OSBPL8: variants seen among roughly 807,000 people sequenced by gnomAD.
The protein encoded by OSBPL8 is oxysterol-binding protein-related protein 8.
In OSBPL8, 59 loss-of-function variants were observed where a neutral mutation model predicts 125.5. The observed-to-expected ratio is 0.47, with a 90% confidence interval of 0.38 to 0.58. OSBPL8 has a LOEUF of 0.58. OSBPL8 is among the 20% of genes least tolerant of loss of function. The probability of loss-of-function intolerance (pLI) is 0.00; values close to 1 mark genes in which losing one functional copy is unlikely to be tolerated. For missense variants in OSBPL8, 758 were observed against 1,047.8 expected, an observed-to-expected ratio of 0.72 and a Z score of 3.82; for synonymous variants, 330 against 338.9, an observed-to-expected ratio of 0.97 and a Z score of 0.29.
chr12:76,493,471 T>C (rs1368182182), intron 1 of OSBPL8, among the ~76,000 whole-genome samples: 1 of 152,226 alleles, frequency 6.6e-6, no homozygotes, highest in Non-Finnish European at 1.5e-5. Flanking sequence ...CTCCCTAATT[T>C]CTGAAGAACA....
intron 4 of OSBPL8, among the ~76,000 whole-genome samples, chr12:76,433,670 T>C (rs957237641): frequency 6.6e-6 from 1 of 151,962 alleles, no homozygotes; most frequent in Non-Finnish European, 1.5e-5. Flanking sequence ...CCCAATGCCA[T>C]TCCTTAAAAA....
intron 1 of OSBPL8, among the ~76,000 whole-genome samples, chr12:76,539,276 C>T (rs1278962859): frequency 1.6e-4 from 24 of 152,058 alleles, no homozygotes; most frequent in Admixed American, 1.6e-3. Flanking sequence ...ATTTATGTCT[C>T]TGTTTTAATA....
chr12:76,538,959 A>G (rs887409854), intron 1 of OSBPL8, among the ~76,000 whole-genome samples: 3 of 151,354 alleles, frequency 2.0e-5, no homozygotes, highest in Admixed American at 6.6e-5. Flanking sequence ...AAAGAAAAAA[A>G]GAAAAAAGAT....
chr12:76,413,968 G>C lies in OSBPL8; in HGVS notation c.218-3334C>G, dbSNP rs753454760. Reference sequence around the variant, plus strand: ...AATTTAGCAATCTCTTTCTTTAAAGGTTAATGCTTTGGGGTCTTAAACTCT... The same window carrying C: ...AATTTAGCAATCTCTTTCTTTAAAGCTTAATGCTTTGGGGTCTTAAACTCT... On this transcript the variant is annotated intron_variant, in intron 4 of 23. Transcript: ENST00000261183. Among the ~76,000 whole-genome samples, 3 of 152,202 alleles carry C rather than the reference G, an allele frequency of 2.0e-5. 1 individual carries two copies. Among genetic ancestry groups the C allele is most frequent in the Middle Eastern group, 6.8e-3 (2 of 294 alleles).
chr12:76,429,006 T>G (rs1870494730), intron 4 of OSBPL8, among the ~76,000 whole-genome samples: 1 of 152,120 alleles, frequency 6.6e-6, no homozygotes, highest in African/African-American at 2.4e-5. Flanking sequence ...TTAGCTGTAG[T>G]TAGCAAAATC....
At chr12:76,409,373 C>T (rs529036568) in intron 5 of OSBPL8, among the ~76,000 whole-genome samples, 31 of 152,298 alleles carry the variant, frequency 2.0e-4, no homozygotes, top group African/African-American at 7.5e-4. Context: ...TCTTATAATA[C>T]CCCTCAACCT....
intron 2 of OSBPL8, among the ~76,000 whole-genome samples, chr12:76,480,770 G>A (rs193059956): frequency 4.6e-4 from 70 of 152,292 alleles, no homozygotes; most frequent in African/African-American, 1.4e-3. Flanking sequence ...AATAGGTTAG[G>A]TTACTCCAGA....
At chr12:76,488,725 T>G (rs1180034394) in intron 1 of OSBPL8, among the ~76,000 whole-genome samples, 2 of 152,210 alleles carry the variant, frequency 1.3e-5, no homozygotes, top group Non-Finnish European at 2.9e-5. Flanking sequence ...TCTCCCATTT[T>G]CTCTTTCTCC....
rs780428030 is a variant in OSBPL8 at position 76,492,905 on chromosome 12, G to GATATATAGAT, written c.-67-5297_-67-5288dup. 1.1e-3 allele frequency among the ~76,000 whole-genome samples: 160 copies of GATATATAGAT among 151,534 alleles called. 2 individuals are homozygous for GATATATAGAT. The highest frequency in any genetic ancestry group is 3.6e-3 in the African/African-American group (149 of 41,270). ...ACAAAACCAGTCCCTGATACTATAG[G>GATATATAGAT]ATATATAGATATATATAGATATATA... On this transcript the variant is annotated intron_variant, in intron 1 of 23. Coordinates refer to ENST00000261183, the MANE Select transcript of OSBPL8 (RefSeq NM_020841.5).
At chr12:76,367,553 T>C (rs544908186) in intron 21 of OSBPL8, among the ~76,000 whole-genome samples, 1 of 152,344 alleles carries the variant, frequency 6.6e-6, no homozygotes, top group East Asian at 1.9e-4. Flanking sequence ...TTAATCTATT[T>C]ACATTTTAAA....
intron 1 of OSBPL8, among the ~76,000 whole-genome samples, chr12:76,508,254 A>G (rs1880620977): frequency 6.6e-6 from 1 of 152,228 alleles, no homozygotes; most frequent in Non-Finnish European, 1.5e-5. Flanking sequence ...ATTTTGACTA[A>G]AAAAAGAAGT....
intron 15 of OSBPL8, among the ~76,000 whole-genome samples, chr12:76,380,212 A>C (rs780878750): frequency 3.3e-5 from 5 of 152,216 alleles, no homozygotes; most frequent in Non-Finnish European, 7.4e-5. Context: ...CTATGGCTCA[A>C]TTAAGGGAGC....
intron 1 of OSBPL8, among the ~76,000 whole-genome samples, chr12:76,523,288 T>C (rs1950073505): frequency 6.6e-6 from 1 of 152,242 alleles, no homozygotes; most frequent in Non-Finnish European, 1.5e-5. Context: ...TTTACTGTTT[T>C]GTTCTTTCCA....
At chr12:76,381,861 A>C (rs1234267283) in intron 15 of OSBPL8, among the ~76,000 whole-genome samples, 1 of 151,948 alleles carries the variant, frequency 6.6e-6, no homozygotes, top group Non-Finnish European at 1.5e-5. Context: ...TAGCACTCCA[A>C]GTAGCTGGGA....
At chr12:76,551,525 GACTTGTA>G (rs1353585527) in intron 1 of OSBPL8, among the ~76,000 whole-genome samples, 1 of 152,172 alleles carries the variant, frequency 6.6e-6, no homozygotes, top group African/African-American at 2.4e-5. Flanking sequence ...AAACTCTTCA[GACTTGTA>G]TAGATTTTCT....
chr12:76,522,349 T>C (rs796141650), intron 1 of OSBPL8, among the ~76,000 whole-genome samples: 5 of 152,042 alleles, frequency 3.3e-5, no homozygotes, highest in African/African-American at 1.2e-4. Context: ...GGTTTAGATA[T>C]AGTTTGCCTG....
intron 1 of OSBPL8, among the ~76,000 whole-genome samples, chr12:76,525,148 T>G (rs575220072): frequency 6.6e-6 from 1 of 152,204 alleles, no homozygotes; most frequent in African/African-American, 2.4e-5. Context: ...CTGAGGTGTA[T>G]AGACCTTGTT....
At chr12:76,508,086 G>A (rs1375332777) in intron 1 of OSBPL8, among the ~76,000 whole-genome samples, 4 of 150,536 alleles carry the variant, frequency 2.7e-5, no homozygotes, top group East Asian at 2.0e-4. Context: ...CAGGGGAATC[G>A]CTTGAACCTG....
At chr12:76,509,365 C>A (rs1880748651) in intron 1 of OSBPL8, among the ~76,000 whole-genome samples, 1 of 152,144 alleles carries the variant, frequency 6.6e-6, no homozygotes, top group Non-Finnish European at 1.5e-5. Flanking sequence ...TGACCCATCA[C>A]TGTATCTACA....
Sources: allele counts gnomAD v4.1 joint callset (sites outside exome capture counted in the v4.1 genomes callset), GRCh38; gene constraint gnomAD v4.1.1; transcripts MANE v1.5; gene names NCBI Gene and HGNC (gene_info 2026-07-23, HGNC 2026-07-21).